The following VWA3A variants were observed in gnomAD, a reference collection of about 807,000 sequenced individuals.
The protein encoded by VWA3A is von Willebrand factor A domain-containing protein 3A.
Under a neutral mutation model 160.4 loss-of-function variants are expected in VWA3A, and 134 were observed. That is an observed-to-expected ratio of 0.84 (90% CI 0.73 to 0.96). The LOEUF (loss-of-function observed/expected upper bound fraction) is 0.96. VWA3A is among the 40% of genes least tolerant of loss of function. The pLI, the probability that VWA3A is intolerant of heterozygous loss-of-function variation, is 0.00. For synonymous variants in VWA3A, 476 were observed against 543.4 expected (o/e 0.88, Z 1.72); for missense variants, 1,310 against 1,447.9 (o/e 0.90, Z 1.55).
At position 22,138,398 on chromosome 16, in the gene VWA3A, A is replaced by T. The variant is rs2046083104; in HGVS notation, c.2178A>T (p.Gly726=). Residue 726 remains glycine (G), a synonymous_variant, in exon 22 of 34, where the codon GGA becomes GGT. Coordinates refer to ENST00000389398, the MANE Select transcript of VWA3A (RefSeq NM_173615.5). ...FLMASLKNHS[G]KVLGSSALPK... is the part of the protein sequence containing the mutation. The stretch of plus-strand genomic sequence containing the variant: ...TGGCCTCCCTGAAGAACCATTCAGG[A>T]AAAGTACTGGGAAGTTCAGCCCTCC... The T allele has an allele frequency of 1.9e-6, 3 of 1,608,476 alleles. No homozygotes were observed. The highest frequency in any genetic ancestry group is 2.5e-6 in the Non-Finnish European group (3 of 1,177,678).
At chr16:22,110,679 T>A (rs1202284450) in intron 7 of VWA3A, among the ~76,000 whole-genome samples, 1 of 152,192 alleles carries the variant, frequency 6.6e-6, no homozygotes, top group Non-Finnish European at 1.5e-5. Context: ...CATTCTGAGA[T>A]GGCAGCCCAG....
At chr16:22,106,461 T>G (rs1257927246) in intron 6 of VWA3A, among the ~76,000 whole-genome samples, 1 of 152,064 alleles carries the variant, frequency 6.6e-6, no homozygotes, top group Non-Finnish European at 1.5e-5. Flanking sequence ...AACAGGCACC[T>G]AAAGAAAGTG....
chr16:22,144,297 C>T lies in VWA3A; in HGVS notation c.2643C>T (p.Cys881=), dbSNP rs960241161. 1.2e-6 allele frequency: 2 copies of T among 1,613,598 alleles called. No homozygotes were observed. The highest frequency in any genetic ancestry group is 1.7e-6 in the Non-Finnish European group (2 of 1,179,850). Residue 881 remains cysteine, a synonymous_variant, in exon 26 of 34, where the codon TGC becomes TGT. Transcript: ENST00000389398. ...AATTGAAGCTGGAGATTTCCAGATGCATGGGTCCCAACTGCACTCATCAAA... is the reference window on the plus strand; with the variant it reads ...AATTGAAGCTGGAGATTTCCAGATGTATGGGTCCCAACTGCACTCATCAAA... ...LKKLKLEISR[C]MGPNCTHQKS...
At chr16:22,122,394 T>C (rs1024476061) in intron 14 of VWA3A, among the ~76,000 whole-genome samples, 1 of 150,228 alleles carries the variant, frequency 6.7e-6, no homozygotes, top group African/African-American at 2.5e-5. Flanking sequence ...GAAGGATAGA[T>C]GACAAAATGG....
In VWA3A at chr16:22,141,597, C is replaced by T. The variant is rs763874809; in HGVS notation, c.2399C>T (p.Thr800Met). The T allele has an allele frequency of 3.5e-5, 56 of 1,611,116 alleles. No homozygotes were observed. The highest frequency in any genetic ancestry group is 6.7e-5 in the East Asian group (3 of 44,828). ...TGTTCCTCAGCTGCGGCCCAGCCAA[C>T]GAAAGAAGGGATGATGGAACTGAGG... Reference protein sequence around the residue: ...VGISPAAAQPTKEGMMELRRK... With the variant: ...VGISPAAAQPMKEGMMELRRK... The change falls in exon 24 of 34, where the codon ACG becomes ATG. Residue 800 changes from threonine to methionine, a missense_variant. Physicochemically the swap from Thr to Met is moderately conservative, Grantham distance 81. Transcript: ENST00000389398.
At chr16:22,128,455 GA>G (rs2045890525) in intron 17 of VWA3A, among the ~76,000 whole-genome samples, 1 of 152,158 alleles carries the variant, frequency 6.6e-6, no homozygotes, top group Admixed American at 6.5e-5. Flanking sequence ...AGGTAGCAGA[GA>G]AAAAGGAGCA....
In VWA3A at chr16:22,116,834, C is replaced by A. The variant is rs1401906165; in HGVS notation, c.891C>A (p.Phe297Leu). ...TGGGAAGAGACCTCATCATCCACTT[C>A]ATCACCTACAGATGCGATGATCAGA... ...STMGRDLIIH[F>L]ITYRCDDQMP... The change falls in exon 10 of 34, where the codon TTC (phenylalanine) becomes TTA (leucine). Residue 297 changes from phenylalanine (F) to leucine (L), a missense_variant. By Grantham distance (22) the Phe-to-Leu change is conservative. Coordinates refer to ENST00000389398, the MANE Select transcript of VWA3A (RefSeq NM_173615.5). 18 of 1,613,400 alleles carry A rather than the reference C, an allele frequency of 1.1e-5. No individual in the cohort carries two copies. Among genetic ancestry groups the A allele is most frequent in the Non-Finnish European group, 1.4e-5 (16 of 1,179,848 alleles).
At chr16:22,146,388 A>T (rs1230875928) in intron 27 of VWA3A, 44 bp downstream of exon 27, 1 of 1,564,188 alleles carries the variant, frequency 6.4e-7, no homozygotes, top group South Asian at 1.1e-5. Flanking sequence ...GCATGAGGGG[A>T]TGTAGAAGGC....
chr16:22,128,842 T>C (rs1056617106), intron 17 of VWA3A, among the ~76,000 whole-genome samples: 1 of 152,018 alleles, frequency 6.6e-6, no homozygotes, highest in Non-Finnish European at 1.5e-5. Context: ...GAAAATCAAA[T>C]ACAGCATGTT....
At chr16:22,148,034 C>A in intron 27 of VWA3A, 128 bp from the exon 28 acceptor site, 1 of 1,214,838 alleles carries the variant, frequency 8.2e-7, no homozygotes, top group Non-Finnish European at 1.1e-6. Flanking sequence ...GGGGTGACAT[C>A]CAATCAATGA....
At chr16:22,126,988 TTATA>T (rs1465424683) in intron 17 of VWA3A, among the ~76,000 whole-genome samples, 4 of 149,450 alleles carry the variant, frequency 2.7e-5, no homozygotes, top group African/African-American at 7.3e-5. Context: ...TACTTCAAAA[TTATA>T]TATAGTTTTA....
Position 22,092,623 on chromosome 16 carries a change from A to G in VWA3A, c.-15A>G. Reference sequence around the variant, plus strand: ...TGGAGTGCCAGGAGCCCTTCTCCCAAAGATGGAGAAATAAATGAAGAAATA... The same window carrying G: ...TGGAGTGCCAGGAGCCCTTCTCCCAGAGATGGAGAAATAAATGAAGAAATA... On this transcript the variant is annotated 5_prime_UTR_variant, in exon 1 of 34. Coordinates refer to ENST00000389398, the MANE Select transcript of VWA3A (RefSeq NM_173615.5). The G allele has an allele frequency of 6.4e-7, 1 of 1,550,470 alleles. No homozygotes were observed. Among genetic ancestry groups the G allele is most frequent in the Non-Finnish European group, 8.7e-7 (1 of 1,146,196 alleles).
At chr16:22,142,925 T>A (rs1236295110) in intron 25 of VWA3A, among the ~76,000 whole-genome samples, 160 bp downstream of exon 25, 1 of 151,858 alleles carries the variant, frequency 6.6e-6, no homozygotes, top group African/African-American at 2.4e-5. Flanking sequence ...CTGAGGTGGG[T>A]GGATCACTTG....
chr16:22,121,074 CAG>C lies in VWA3A; in HGVS notation c.1226_1227del (p.Glu409ValfsTer3). ...TTTCCAAACTTGGACAAGACTTCTG[CAG>C]AGTGGCTTAAGGTCAATGGTCTGAA... On this transcript the variant is annotated frameshift_variant, in exon 13 of 34. Transcript: ENST00000389398. LOFTEE classifies it high-confidence loss of function. 1 of 1,613,962 alleles carries C rather than the reference CAG, an allele frequency of 6.2e-7. No homozygotes were observed. Among genetic ancestry groups the C allele is most frequent in the Non-Finnish European group, 8.5e-7 (1 of 1,179,884 alleles).
rs10564178 is a variant in VWA3A, at chr16:22,124,530, CTATTATTATTATTATTATTATTAT to C, written c.1532+847_1532+870del. Among the ~76,000 whole-genome samples the C allele has an allele frequency of 5.0e-5, 7 of 141,176 alleles. 1 individual carries two copies. Among genetic ancestry groups the C allele is most frequent in the East Asian group, 4.1e-4 (2 of 4,858 alleles). 92.6% of individuals were successfully genotyped at this position (141,176 alleles called of 152,430 possible). ...TATTATATTTTGTAATACTATACAT[CTATTATTATTATTATTATTATTAT>C]TATTATTATTATTATTATTATTAGA... On this transcript the variant is annotated intron_variant, in intron 16 of 33. Coordinates refer to ENST00000389398, the MANE Select transcript of VWA3A (RefSeq NM_173615.5).
rs1325104529 is a variant in VWA3A at position 22,150,787 on chromosome 16, A to G, written c.3222A>G (p.Gln1074=). The stretch of plus-strand genomic sequence containing the variant: ...GCAGCCTTGTCCTAAATGAAGTCCA[A>G]AAACTCAGGGAGAAAAGAGATGTGA... ...TSCSLVLNEV[Q]KLREKRDVKV... The change falls in exon 30 of 34, where the codon CAA becomes CAG. Residue 1074 remains glutamine, a synonymous_variant. Coordinates refer to ENST00000389398, the MANE Select transcript of VWA3A (RefSeq NM_173615.5). 1.2e-6 allele frequency: 2 copies of G among 1,613,394 alleles called. No individual in the cohort carries two copies. Among genetic ancestry groups the G allele is most frequent in the African/African-American group, 1.3e-5 (1 of 74,938 alleles).
At chr16:22,125,803 A>G (rs2141934009) in intron 16 of VWA3A, among the ~76,000 whole-genome samples, 1 of 152,348 alleles carries the variant, frequency 6.6e-6, no homozygotes. Flanking sequence ...AAGATCAGAG[A>G]GGATTTGTGA....
chr16:22,121,537 G>A lies in VWA3A; in HGVS notation c.1276G>A (p.Val426Ile), dbSNP rs1402016439. 1.2e-6 allele frequency: 2 copies of A among 1,613,522 alleles called. No individual in the cohort carries two copies. Among genetic ancestry groups the A allele is most frequent in the Admixed American group, 1.7e-5 (1 of 60,006 alleles). The change falls in exon 14 of 34, where the codon GTC becomes ATC. Residue 426 changes from valine (V) to isoleucine (I), a missense_variant. Transcript: ENST00000389398. ...LKAKKLSLYQVLAPNAFSPVE... is the reference protein window; with the variant it reads ...LKAKKLSLYQILAPNAFSPVE... ...AGCCAAGAAATTAAGTCTATATCAG[G>A]TCCTGGCACCCAATGCATTCTCTCC...
chr16:22,150,525 T>G (rs1174442951), intron 29 of VWA3A, among the ~76,000 whole-genome samples, 170 bp from the exon 30 acceptor site: 1 of 152,218 alleles, frequency 6.6e-6, no homozygotes, highest in Non-Finnish European at 1.5e-5. Flanking sequence ...AGCAGCTTCC[T>G]TAGTCTGTCT....
Sources: allele counts gnomAD v4.1 joint callset (sites outside exome capture counted in the v4.1 genomes callset), GRCh38; gene constraint gnomAD v4.1.1; transcripts MANE v1.5; gene names NCBI Gene and HGNC (gene_info 2026-07-23, HGNC 2026-07-21).